Variants in SORCS2 observed in about 807,000 individuals in gnomAD.
SORCS2 encodes the protein sortilin related VPS10 domain containing receptor 2.
SORCS2 carries 100 observed loss-of-function variants against 141.6 expected under a neutral mutation model. That is an observed-to-expected ratio of 0.71 (90% confidence interval 0.60 to 0.83). The LOEUF is 0.83. Among genes scored for constraint, SORCS2 ranks in the 40% least tolerant of loss-of-function variants. The pLI, the probability that SORCS2 is intolerant of heterozygous loss-of-function variation, is 0.00. For synonymous variants in SORCS2, 789 were observed against 676.9 expected, an observed-to-expected ratio of 1.17 and a Z score of -2.57; for missense variants, 1,646 against 1,560.2, an observed-to-expected ratio of 1.05 and a Z score of -0.93.
chr4:7,435,985 A>G (rs1404904712), intron 2 of SORCS2, among the ~76,000 whole-genome samples: 1 of 152,278 alleles, frequency 6.6e-6, no homozygotes, highest in Admixed American at 6.5e-5. Flanking sequence ...TGGGTCGGGC[A>G]GCCTGGCCTG....
intron 1 of SORCS2, among the ~76,000 whole-genome samples, chr4:7,302,800 T>TGTGTGCGCGC (rs1435024925): frequency 7.0e-6 from 1 of 142,714 alleles, no homozygotes; most frequent in Non-Finnish European, 1.6e-5. Flanking sequence ...CGCGCGCGTG[T>TGTGTGCGCGC]GTGTGTGTTT....
At chr4:7,260,141 C>T (rs1320238241) in intron 1 of SORCS2, among the ~76,000 whole-genome samples, 2 of 152,190 alleles carry the variant, frequency 1.3e-5, no homozygotes, top group Non-Finnish European at 2.9e-5. Flanking sequence ...AGTGAGAACC[C>T]ATGTGTGGGA....
chr4:7,660,905 A>G (rs1178721375), intron 5 of SORCS2, among the ~76,000 whole-genome samples: 2 of 152,140 alleles, frequency 1.3e-5, no homozygotes, highest in Non-Finnish European at 2.9e-5. Context: ...TGAGAGAGCA[A>G]TCTTCCCAAG....
intron 2 of SORCS2, among the ~76,000 whole-genome samples, chr4:7,446,251 GCA>G (rs1209804338): frequency 2.0e-5 from 3 of 152,106 alleles, no homozygotes; most frequent in South Asian, 2.1e-4. Context: ...CTCTGATGTC[GCA>G]CAGTGAGTTG....
At chr4:7,334,465 C>T (rs1227791870) in intron 1 of SORCS2, among the ~76,000 whole-genome samples, 1 of 152,120 alleles carries the variant, frequency 6.6e-6, no homozygotes, top group African/African-American at 2.4e-5. Flanking sequence ...TCTGCCAACC[C>T]CAGACAGTGA....
intron 1 of SORCS2, among the ~76,000 whole-genome samples, chr4:7,307,395 C>A (rs1168109624): frequency 6.6e-6 from 1 of 152,256 alleles, no homozygotes; most frequent in Non-Finnish European, 1.5e-5. Flanking sequence ...AGTCCTGTCC[C>A]TTTTCCTACC....
intron 2 of SORCS2, among the ~76,000 whole-genome samples, chr4:7,445,214 C>G (rs1189286926): frequency 6.6e-6 from 1 of 152,192 alleles, no homozygotes; most frequent in Non-Finnish European, 1.5e-5. Flanking sequence ...CCTGCAGAGG[C>G]ACCCTTGCAA....
chr4:7,416,593 C>T (rs998038046), intron 2 of SORCS2, among the ~76,000 whole-genome samples: 1 of 152,162 alleles, frequency 6.6e-6, no homozygotes, highest in African/African-American at 2.4e-5. Flanking sequence ...GACACATGCT[C>T]ACACTTGTGC....
At chr4:7,549,101 C>G (rs1451807845) in intron 3 of SORCS2, among the ~76,000 whole-genome samples, 1 of 152,052 alleles carries the variant, frequency 6.6e-6, no homozygotes, top group East Asian at 1.9e-4. Context: ...GAGCGTGCCC[C>G]CAGCAAGGGC....
intron 2 of SORCS2, among the ~76,000 whole-genome samples, chr4:7,422,884 T>G (rs912686483): frequency 6.6e-6 from 1 of 151,698 alleles, no homozygotes; most frequent in Non-Finnish European, 1.5e-5. Flanking sequence ...CACCCGGAGG[T>G]CCATGCAGCC....
At chr4:7,211,869 C>T (rs1288192906) in intron 1 of SORCS2, among the ~76,000 whole-genome samples, 1 of 152,172 alleles carries the variant, frequency 6.6e-6, no homozygotes, top group Non-Finnish European at 1.5e-5. Flanking sequence ...ATCCCTCATC[C>T]CTTTTACTCT....
rs527635284 is a variant in SORCS2 at position 7,701,635 on chromosome 4, C to G, written c.1669-1645C>G. Among the ~76,000 whole-genome samples, 4 of 152,282 alleles carry G rather than the reference C, an allele frequency of 2.6e-5. No individual in the cohort carries two copies. The South Asian group carries it at 6.2e-4, about 24-fold the overall frequency. On this transcript the variant is annotated intron_variant, in intron 12 of 26. Transcript: ENST00000507866. ...GTTGAGGAGCATGGGGGTCAGGGTA[C>G]CTGCTGGACACCAGGGCCAAGGGTG...
intron 3 of SORCS2, among the ~76,000 whole-genome samples, chr4:7,574,756 G>A (rs1173662541): frequency 6.6e-6 from 1 of 152,188 alleles, no homozygotes; most frequent in African/African-American, 2.4e-5. Context: ...AGGAGGAAGG[G>A]CGGCTCCTCT....
intron 1 of SORCS2, among the ~76,000 whole-genome samples, chr4:7,213,944 G>T (rs1728186821): frequency 6.6e-6 from 1 of 152,224 alleles, no homozygotes; most frequent in African/African-American, 2.4e-5. Context: ...CCCCAGAGCT[G>T]TGAGGTTCCC....
At chr4:7,245,053 G>A (rs1485284421) in intron 1 of SORCS2, among the ~76,000 whole-genome samples, 1 of 152,192 alleles carries the variant, frequency 6.6e-6, no homozygotes, top group Admixed American at 6.5e-5. Context: ...TTCAGCAAGC[G>A]TGGATGGGGC....
Position 7,638,446 on chromosome 4 carries a change from A to T in SORCS2, c.767A>T (p.His256Leu). Residue 256 changes from histidine (H) to leucine (L), a missense_variant, in exon 4 of 27, where the codon CAC (histidine) becomes CTC (leucine). Coordinates refer to ENST00000507866, the MANE Select transcript of SORCS2 (RefSeq NM_020777.3). ...TTCTTCGTGGAAACTCTGATTTTCC[A>T]CCCTAAGGAGGAGGACAAGGTCCTC... The part of the protein sequence containing the change: ...IPFFVETLIF[H>L]PKEEDKVLAY... 1 of 1,606,140 alleles carries T rather than the reference A, an allele frequency of 6.2e-7. No homozygotes were observed. The highest frequency in any genetic ancestry group is 8.5e-7 in the Non-Finnish European group (1 of 1,177,082).
In SORCS2 at chr4:7,714,180, G is replaced by C. The variant is rs2109039760; in HGVS notation, c.1990-60G>C. The C allele has an allele frequency of 5.1e-6, 8 of 1,558,108 alleles. No individual in the cohort carries two copies. The South Asian group carries it at 9.6e-5, about 19-fold the overall frequency. ...GGCTCTGGCAGCCTCAGCGGCACAAGGCCTTGTAGAGCAGTTGCCCTGTCT... is the reference window on the plus strand; with the variant it reads ...GGCTCTGGCAGCCTCAGCGGCACAACGCCTTGTAGAGCAGTTGCCCTGTCT... On this transcript the variant is annotated intron_variant, in intron 15 of 26. Transcript: ENST00000507866.
At chr4:7,321,130 T>C (rs1248467042) in intron 1 of SORCS2, among the ~76,000 whole-genome samples, 1 of 152,162 alleles carries the variant, frequency 6.6e-6, no homozygotes, top group Non-Finnish European at 1.5e-5. Context: ...ATGTCCATGA[T>C]ACTCCTGTGC....
intron 1 of SORCS2, among the ~76,000 whole-genome samples, chr4:7,337,398 C>A (rs6825152): frequency 6.6e-6 from 1 of 151,860 alleles, no homozygotes; most frequent in African/African-American, 2.4e-5. Context: ...AGAAGGTGCC[C>A]GCACTGGATC....
Sources: gnomAD v4.1 joint callset for allele counts (sites outside exome capture counted in the v4.1 genomes callset) on GRCh38, gnomAD v4.1.1 for gene constraint, MANE v1.5 for transcripts, NCBI Gene and HGNC (gene_info 2026-07-23, HGNC 2026-07-21) for gene names.